Variants in DNHD1 observed in about 807,000 individuals in gnomAD.
DNHD1 encodes the protein dynein heavy chain domain 1.
In DNHD1, 383 loss-of-function variants were observed where a neutral mutation model predicts 458.1. The ratio of observed to expected loss-of-function variants is 0.84; its 90% CI spans 0.77 to 0.91. The LOEUF (loss-of-function observed/expected upper bound fraction) is 0.91, where lower values mean the gene tolerates loss of function less well. Ranked by LOEUF, DNHD1 falls within the 40% of genes least tolerant of loss-of-function variation. DNHD1 has a pLI of 0.00. For missense variants in DNHD1, 5,336 were observed against 5,866.1 expected, an observed-to-expected ratio of 0.91 and a Z score of 2.95; for synonymous variants, 2,203 against 2,376.9, an observed-to-expected ratio of 0.93 and a Z score of 2.13.
intron 21 of DNHD1, 75 bp from the exon 22 acceptor site, chr11:6,547,788 T>G (rs1027161209): frequency 7.8e-6 from 12 of 1,531,550 alleles, no homozygotes; most frequent in Non-Finnish European, 1.1e-5. Context: ...AGTAATACTG[T>G]CAACCTTTTT....
chr11:6,567,041 G>T lies in DNHD1; in HGVS notation c.11532G>T (p.Met3844Ile). ...TAGAAGGGCAGAAACTACAGGAGAT[G>T]GTATTGTGGGCACCCTATCGACCTG... ...EELEGQKLQE[M>I]VLWAPYRPVV... Residue 3844 changes from methionine (M) to isoleucine (I), a missense_variant, in exon 36 of 43, where the codon ATG becomes ATT. By Grantham distance (10) the Met-to-Ile change is conservative. Coordinates refer to ENST00000254579, the MANE Select transcript of DNHD1 (RefSeq NM_144666.3). The T allele has an allele frequency of 6.2e-7, 1 of 1,614,022 alleles. No homozygotes were observed. Among genetic ancestry groups the T allele is most frequent in the Non-Finnish European group, 8.5e-7 (1 of 1,179,886 alleles).
Position 6,533,749 on chromosome 11 carries a change from A to T in DNHD1, c.2574A>T (p.Glu858Asp). 6 of 1,551,350 alleles carry T rather than the reference A, an allele frequency of 3.9e-6. No homozygotes were observed. The highest frequency in any genetic ancestry group is 5.2e-6 in the Non-Finnish European group (6 of 1,146,958). The change falls in exon 14 of 43, where the codon GAA becomes GAT. Residue 858 changes from glutamate to aspartate, a missense_variant. By Grantham distance (45) the Glu-to-Asp change is conservative. Transcript: ENST00000254579. ...ERMEYVRALH[E>D]LIRNHFSLFS... ...TGGAATACGTACGGGCACTCCACGA[A>T]CTCATCCGCAACCACTTTAGCCTCT...
In DNHD1 at chr11:6,568,836, G is replaced by A; in HGVS notation, c.12833G>A (p.Gly4278Glu). Residue 4278 changes from glycine (G) to glutamate (E), a missense_variant, in exon 39 of 43, where the codon GGA becomes GAA. Coordinates refer to ENST00000254579, the MANE Select transcript of DNHD1 (RefSeq NM_144666.3). ...CTCCTGCTACACCGGCAGCTCTATG[G>A]AACAAGGCTGCAGGCACACAGGGGG... ...HGLLLHRQLYGTRLQAHRGRW... is the reference protein window; with the variant it reads ...HGLLLHRQLYETRLQAHRGRW... The A allele has an allele frequency of 1.9e-6, 3 of 1,612,260 alleles. No individual in the cohort carries two copies. Among genetic ancestry groups the A allele is most frequent in the Non-Finnish European group, 2.5e-6 (3 of 1,179,286 alleles).
chr11:6,547,378 T>C lies in DNHD1; in HGVS notation c.6439T>C (p.Cys2147Arg). 6.4e-7 allele frequency: 1 copy of C among 1,551,752 alleles called. No individual in the cohort carries two copies. The highest frequency in any genetic ancestry group is 8.7e-7 in the Non-Finnish European group (1 of 1,147,008). ...TVVGCCALVW[C>R]GGEQTWQCIL... The stretch of plus-strand genomic sequence containing the variant: ...GGTAGGCTGTTGTGCCCTAGTCTGG[T>C]GTGGTGGAGAGCAGACTTGGCAGTG... The change falls in exon 21 of 43, where the codon TGT becomes CGT. Residue 2147 changes from cysteine to arginine, a missense_variant. By Grantham distance (180) the Cys-to-Arg change is radical. This residue lies in a region of DNHD1 where 3,932 missense variants were observed against 4,365.6 expected (regional missense o/e 0.90). Transcript: ENST00000254579.
chr11:6,512,584 AT>A lies in DNHD1; in HGVS notation c.1392+1156del, dbSNP rs535673104. 3.4e-3 allele frequency among the ~76,000 whole-genome samples: 517 copies of A among 152,204 alleles called. 2 individuals carry two copies. Among genetic ancestry groups the A allele is most frequent in the Non-Finnish European group, 5.7e-3 (385 of 68,004 alleles). ...ACTTCTGTTGATTGCTCTGGTTGAA[AT>A]CTTAAATATTTAAAAATACCCGTAA... On this transcript the variant is annotated intron_variant, in intron 7 of 42. Transcript: ENST00000254579.
At chr11:6,508,280 T>C (rs1425951797) in intron 4 of DNHD1, 1 of 152,666 alleles carries the variant, frequency 6.6e-6, no homozygotes, top group East Asian at 1.9e-4. Context: ...AACTAAGATT[T>C]TAAGATGGCT....
At position 6,546,055 on chromosome 11, in the gene DNHD1, C is replaced by T. The variant is rs1018336807; in HGVS notation, c.5116C>T (p.Arg1706Cys). 6 of 1,551,328 alleles carry T rather than the reference C, an allele frequency of 3.9e-6. No individual in the cohort carries two copies. Among genetic ancestry groups the T allele is most frequent in the Middle Eastern group, 1.7e-4 (1 of 5,988 alleles). The change falls in exon 21 of 43, where the codon CGC (arginine) becomes TGC (cysteine). Residue 1706 changes from arginine to cysteine, a missense_variant. By Grantham distance (180) the Arg-to-Cys change is radical (BLOSUM62 -3). Around this residue, in one of 4 missense-constraint regions of DNHD1, gnomAD observed 3,932 missense variants for 4,365.6 expected, o/e 0.90. Coordinates refer to ENST00000254579, the MANE Select transcript of DNHD1 (RefSeq NM_144666.3). The part of the protein sequence containing the change: ...IVNSLAQALG[R>C]QLVMLPCSPQ... ...GAACAGCCTGGCACAGGCCCTGGGCCGCCAGCTGGTGATGCTACCCTGCTC... is the reference window on the plus strand; with the variant it reads ...GAACAGCCTGGCACAGGCCCTGGGCTGCCAGCTGGTGATGCTACCCTGCTC...
chr11:6,504,411 A>G (rs1852190377), intron 4 of DNHD1, among the ~76,000 whole-genome samples: 1 of 152,128 alleles, frequency 6.6e-6, no homozygotes, highest in South Asian at 2.1e-4. Context: ...TTCTGCCATC[A>G]TTGCCTCAGC....
At chr11:6,549,670 CTG>C (rs1404883871) in intron 24 of DNHD1, among the ~76,000 whole-genome samples, 1 of 152,218 alleles carries the variant, frequency 6.6e-6, no homozygotes, top group Non-Finnish European at 1.5e-5. Flanking sequence ...ATCCTGTGCT[CTG>C]TACAATAATC....
In DNHD1 at chr11:6,546,740, C is replaced by T. The variant is rs1396019456; in HGVS notation, c.5801C>T (p.Ala1934Val). The change falls in exon 21 of 43, where the codon GCG becomes GTG. Residue 1934 changes from alanine (A) to valine (V), a missense_variant. Physicochemically the swap from Ala to Val is moderately conservative, Grantham distance 64. This residue lies in a region of DNHD1 where 3,932 missense variants were observed against 4,365.6 expected (regional missense o/e 0.90). Transcript: ENST00000254579. ...HLHNLRGLLCALFPSASQVLA... is the reference protein window; with the variant it reads ...HLHNLRGLLCVLFPSASQVLA... ...CACAACCTCCGAGGGCTGTTGTGTGCGCTTTTCCCTAGCGCCAGCCAAGTG... is the reference window on the plus strand; with the variant it reads ...CACAACCTCCGAGGGCTGTTGTGTGTGCTTTTCCCTAGCGCCAGCCAAGTG... 1.0e-5 allele frequency: 16 copies of T among 1,551,636 alleles called. No individual in the cohort carries two copies. The highest frequency in any genetic ancestry group is 1.3e-5 in the Non-Finnish European group (15 of 1,146,994).
At chr11:6,558,796 C>G (rs751268438) in intron 26 of DNHD1, 103 bp downstream of exon 26, 53 of 1,491,328 alleles carry the variant, frequency 3.6e-5, no homozygotes, top group Non-Finnish European at 4.7e-5. Flanking sequence ...GCCTACAGAG[C>G]CCCCTTCACA....
chr11:6,502,677 A>G lies in DNHD1; in HGVS notation c.747-76A>G, dbSNP rs544899333. 58 of 1,397,996 alleles carry G rather than the reference A, an allele frequency of 4.1e-5. No homozygotes were observed. The Admixed American group carries it at 4.7e-4, about 11-fold the overall frequency. The allele number at this position is 1,397,996 out of a possible 1,614,324, so 86.6% of individuals were successfully genotyped here. A position where few individuals can be genotyped will look rare whatever the true frequency, so the allele number is the denominator to read the frequency against. ...TGATCTAGTCCTCCTTTCACTAGCC[A>G]ACAGTGGCAAGGCCTCCCTCTAAGG... On this transcript the variant is annotated intron_variant, in intron 3 of 42. Transcript: ENST00000254579.
rs1565003444 is a variant in DNHD1 at position 6,528,438 on chromosome 11, C to CGTGTGTGTGTGTGTGT, written c.1838-84_1838-83insGTGTGTGTGTGTGTGT. The CGTGTGTGTGTGTGTGT allele has an allele frequency of 2.0e-4, 194 of 987,336 alleles. No homozygotes were observed. The African/African-American group carries it at 3.6e-3, about 18-fold the overall frequency. 61.2% of individuals were successfully genotyped at this position (987,336 alleles called of 1,614,324 possible). On this transcript the variant is annotated intron_variant, in intron 10 of 42. Transcript: ENST00000254579. The stretch of plus-strand genomic sequence containing the variant: ...GTGTGTGTGTGTGTGTGTGTGTGTA[C>CGTGTGTGTGTGTGTGT]ACACACTGAGGGCAAGGAGAAAGGA...
At position 6,558,613 on chromosome 11, in the gene DNHD1, A is replaced by G. The variant is rs1170531329; in HGVS notation, c.9131A>G (p.Tyr3044Cys). The change falls in exon 26 of 43, where the codon TAT (tyrosine) becomes TGT (cysteine). Residue 3044 changes from tyrosine (Y) to cysteine (C), a missense_variant. Physicochemically the swap from Tyr to Cys is radical, Grantham distance 194. Transcript: ENST00000254579. ...CTGGCCACTGCCAGCATTGACCGCTATGAACCCTGGGACCAAGCTGCCCTG... is the reference window on the plus strand; with the variant it reads ...CTGGCCACTGCCAGCATTGACCGCTGTGAACCCTGGGACCAAGCTGCCCTG... ...LQLATASIDR[Y>C]EPWDQAALAK... The G allele has an allele frequency of 3.9e-6, 6 of 1,551,706 alleles. No individual in the cohort carries two copies. The highest frequency in any genetic ancestry group is 1.2e-5 in the South Asian group (1 of 84,064).
At chr11:6,544,284 C>G (rs1189456564) in intron 19 of DNHD1, 38 bp downstream of exon 19, 1 of 1,550,496 alleles carries the variant, frequency 6.4e-7, no homozygotes, top group Non-Finnish European at 8.7e-7. Flanking sequence ...TGGGTGAGAC[C>G]TGAGGCAGGA....
Position 6,544,155 on chromosome 11 carries a change from T to A in DNHD1, c.3663T>A (p.Ser1221Arg), listed in dbSNP as rs1853157330. 1 of 1,551,416 alleles carries A rather than the reference T, an allele frequency of 6.4e-7. No individual in the cohort carries two copies. Among genetic ancestry groups the A allele is most frequent in the Admixed American group, 2.0e-5 (1 of 50,984 alleles). Residue 1221 changes from serine (S) to arginine (R), a missense_variant, in exon 19 of 43, where the codon AGT (serine) becomes AGA (arginine). By Grantham distance (110) the Ser-to-Arg change is moderately radical (BLOSUM62 -1). Coordinates refer to ENST00000254579, the MANE Select transcript of DNHD1 (RefSeq NM_144666.3). ...ACCTGCAGGATTCCATCCAGGAAAG[T>A]CTTCAGGTGTTGTCCAAGATCTTGG... ...YSNLQDSIQE[S>R]LQVLSKILAI... is the part of the protein sequence containing the mutation.
At chr11:6,519,579 G>A in intron 7 of DNHD1, 21 bp from the exon 8 acceptor site, 1 of 1,613,364 alleles carries the variant, frequency 6.2e-7, no homozygotes, top group Non-Finnish European at 8.5e-7. Flanking sequence ...TATCTGGTGA[G>A]TTTCCACTCT....
rs1395078458 is a variant in DNHD1 at position 6,544,775 on chromosome 11, C to T, written c.3853-17C>T. The T allele has an allele frequency of 6.5e-7, 1 of 1,547,752 alleles. No individual in the cohort carries two copies. Among genetic ancestry groups the T allele is most frequent in the Admixed American group, 2.0e-5 (1 of 50,918 alleles). On this transcript the variant is annotated splice_polypyrimidine_tract_variant and intron_variant, in intron 20 of 42. Transcript: ENST00000254579. The stretch of plus-strand genomic sequence containing the variant: ...ACTTCATATTGGCCCTCACTTTTAT[C>T]CTCTCCCTCACCACAGAACTCTCGT...
At chr11:6,533,369 C>T (rs1444577234) in intron 13 of DNHD1, among the ~76,000 whole-genome samples, 185 bp downstream of exon 13, 2 of 152,216 alleles carry the variant, frequency 1.3e-5, no homozygotes, top group Non-Finnish European at 2.9e-5. Context: ...TTCCTCATGT[C>T]ACAGGGAGGC....
Sources: gnomAD v4.1 joint callset for allele counts (sites outside exome capture counted in the v4.1 genomes callset) on GRCh38, gnomAD v4.1.1 for gene constraint, gnomAD v4.1.1 regional missense constraint, MANE v1.5 for transcripts, NCBI Gene and HGNC (gene_info 2026-07-23, HGNC 2026-07-21) for gene names.